The following AKAP8L variants were observed in gnomAD, a reference collection of about 807,000 sequenced individuals.
AKAP8L encodes the protein A-kinase anchor protein 8-like.
A neutral mutation model predicts 77.5 loss-of-function variants in AKAP8L; 34 were observed. The observed-to-expected ratio is 0.44, with a 90% confidence interval of 0.33 to 0.58. The LOEUF (loss-of-function observed/expected upper bound fraction) is 0.58, where lower values mean the gene tolerates loss of function less well. Ranked by LOEUF, AKAP8L falls within the 20% of genes least tolerant of loss-of-function variation. The pLI is 0.02. For synonymous variants in AKAP8L, 342 were observed against 340.7 expected (o/e 1.00, Z -0.04); for missense variants, 806 against 887.6 (o/e 0.91, Z 1.17).
At chr19:15,386,152 C>T (rs866881164) in intron 12 of AKAP8L, among the ~76,000 whole-genome samples, 5 of 152,048 alleles carry the variant, frequency 3.3e-5, no homozygotes, top group African/African-American at 7.2e-5. Flanking sequence ...CCTCGTGATC[C>T]GCCTGCCTCG....
rs1433021810 is a variant in AKAP8L, at chr19:15,380,258, G to A, written c.1805C>T (p.Pro602Leu). 2.7e-6 allele frequency: 4 copies of A among 1,497,866 alleles called. No homozygotes were observed. The East Asian group carries it at 8.0e-5, about 30-fold the overall frequency. 92.8% of individuals were successfully genotyped at this position (1,497,866 alleles called of 1,614,324 possible). A position where few individuals can be genotyped will look rare whatever the true frequency, so the allele number is the denominator to read the frequency against. Residue 602 changes from proline (P) to leucine (L), a missense_variant, in exon 14 of 14, where the codon CCG becomes CTG. By Grantham distance (98) the Pro-to-Leu change is moderately conservative. Transcript: ENST00000397410. ...PPEPAPGAVSPPPPPPPEEEE... is the reference protein window; with the variant it reads ...PPEPAPGAVSLPPPPPPEEEE... ...CTCCTCTGGGGGCGGCGGCGGTGGC[G>A]GCGACACGGCCCCGGGGGCTGGCTC... is the stretch of plus-strand genomic sequence containing the variant.
chr19:15,406,516 G>A (rs1303236214), intron 2 of AKAP8L, among the ~76,000 whole-genome samples: 1 of 151,888 alleles, frequency 6.6e-6, no homozygotes, highest in Non-Finnish European at 1.5e-5. Context: ...CTCCAGGCTG[G>A]AGTGTAATGG....
At chr19:15,406,406 C>T (rs1271308111) in intron 2 of AKAP8L, among the ~76,000 whole-genome samples, 1 of 55,148 alleles carries the variant, frequency 1.8e-5, no homozygotes, top group African/African-American at 9.1e-5. Context: ...AGAGAGAGAT[C>T]CTTAAAATTT....
Position 15,400,933 on chromosome 19 carries a change from C to T in AKAP8L, c.913+14G>A. 1 of 1,613,884 alleles carries T rather than the reference C, an allele frequency of 6.2e-7. No homozygotes were observed. The highest frequency in any genetic ancestry group is 2.2e-5 in the East Asian group (1 of 44,874). On this transcript the variant is annotated intron_variant, in intron 6 of 13. Coordinates refer to ENST00000397410, the MANE Select transcript of AKAP8L (RefSeq NM_014371.4). ...GGCAGGGGGCAGCCGCCCAGTACCA[C>T]CTAGTGGGCTCACCATTGTCTGAGT...
At chr19:15,415,120 G>A (rs574430971) in intron 1 of AKAP8L, among the ~76,000 whole-genome samples, 2 of 152,076 alleles carry the variant, frequency 1.3e-5, no homozygotes, top group South Asian at 2.1e-4. Flanking sequence ...CCAATCTCTC[G>A]TCAACTTTTT....
chr19:15,383,087 T>C (rs1474699667), intron 12 of AKAP8L: 1 of 152,358 alleles, frequency 6.6e-6, no homozygotes, highest in Non-Finnish European at 1.5e-5. Context: ...GGTGGCTAAA[T>C]GTGAACTGAC....
chr19:15,410,425 A>C, intron 2 of AKAP8L, 95 bp downstream of exon 2: 1 of 1,089,754 alleles, frequency 9.2e-7, no homozygotes, highest in South Asian at 1.4e-5. Context: ...AGGTTTAAAA[A>C]AGCATGACAG....
At position 15,399,742 on chromosome 19, in the gene AKAP8L, G is replaced by T. The variant is rs943752233; in HGVS notation, c.1049-332C>A. ...ACATGTTCAGAGGGGCCAGGTGGTG[G>T]GATGCAGGGAGGCTGCTCACATGGC... On this transcript the variant is annotated intron_variant, in intron 8 of 13. Transcript: ENST00000397410. This position sits in a 1 kb window ranked among gnomAD's most constrained non-coding sequence, Gnocchi z 6.1. 5.1e-4 allele frequency: 189 copies of T among 369,156 alleles called. No individual in the cohort carries two copies. Among genetic ancestry groups the T allele is most frequent in the East Asian group, 7.9e-4 (13 of 16,482 alleles). The allele number at this position is 369,156 out of a possible 1,614,324, so 22.9% of individuals were successfully genotyped here.
At chr19:15,415,183 C>T (rs1968181579) in intron 1 of AKAP8L, among the ~76,000 whole-genome samples, 1 of 152,080 alleles carries the variant, frequency 6.6e-6, no homozygotes, top group Admixed American at 6.6e-5. Flanking sequence ...TCTGTAATAC[C>T]AGTACTTTGG....
intron 7 of AKAP8L, 148 bp downstream of exon 7, chr19:15,400,646 C>T (rs1967873466): frequency 2.9e-6 from 3 of 1,038,054 alleles, no homozygotes; most frequent in Non-Finnish European, 2.9e-6. Context: ...GCAGCCTGTG[C>T]TTTCTGCCAG....
In AKAP8L at chr19:15,403,954, AAC is replaced by A; in HGVS notation, c.121+54_121+55del. 1.2e-6 allele frequency: 2 copies of A among 1,602,302 alleles called. No homozygotes were observed. The highest frequency in any genetic ancestry group is 1.7e-6 in the Non-Finnish European group (2 of 1,170,934). ...TGGCCAAGCAGGGCAGTGGCAGAGA[AAC>A]ACAGCCAGGACAACCCCAAGGGACA... On this transcript the variant is annotated intron_variant, in intron 3 of 13. Coordinates refer to ENST00000397410, the MANE Select transcript of AKAP8L (RefSeq NM_014371.4). This position sits in a 1 kb window ranked among gnomAD's most constrained non-coding sequence, Gnocchi z 4.3.
At chr19:15,410,422 A>G (rs1434207980) in intron 2 of AKAP8L, 98 bp downstream of exon 2, 1 of 1,073,696 alleles carries the variant, frequency 9.3e-7, no homozygotes, top group Admixed American at 2.3e-5. Context: ...TTTAGGTTTA[A>G]AAAAGCATGA....
chr19:15,381,328 C>T (rs1967411100), intron 12 of AKAP8L: 1 of 152,320 alleles, frequency 6.6e-6, no homozygotes, highest in African/African-American at 2.4e-5. Flanking sequence ...TTCAAAAGAA[C>T]ATCATGCAGC....
intron 1 of AKAP8L, among the ~76,000 whole-genome samples, chr19:15,416,961 G>A (rs1968218562): frequency 6.6e-6 from 1 of 152,138 alleles, no homozygotes; most frequent in Non-Finnish European, 1.5e-5. Context: ...TTTGACTTTA[G>A]TGCCCTACTT....
rs192216620 is a variant in AKAP8L, at chr19:15,399,784, C to T, written c.1049-374G>A. 4 of 332,944 alleles carry T rather than the reference C, an allele frequency of 1.2e-5. No individual in the cohort carries two copies. The highest frequency in any genetic ancestry group is 1.4e-4 in the East Asian group (2 of 14,144). 20.6% of individuals were successfully genotyped at this position (332,944 alleles called of 1,614,324 possible). A position where few individuals can be genotyped will look rare whatever the true frequency, so the allele number is the denominator to read the frequency against. On this transcript the variant is annotated intron_variant, in intron 8 of 13. Coordinates refer to ENST00000397410, the MANE Select transcript of AKAP8L (RefSeq NM_014371.4). The surrounding 1 kb of genome is among the most constrained non-coding windows in gnomAD (Gnocchi z 6.1). ...TCACATGGCCCTGCCCACCCCCAAC[C>T]GGGCACCGCGGCAACAGTGGGCTGA...
intron 12 of AKAP8L, among the ~76,000 whole-genome samples, chr19:15,388,526 AATG>A (rs1967587850): frequency 6.6e-6 from 1 of 152,194 alleles, no homozygotes; most frequent in African/African-American, 2.4e-5. Context: ...CAGAGATAGA[AATG>A]ATAATAATAA....
intron 12 of AKAP8L, among the ~76,000 whole-genome samples, chr19:15,392,758 T>TG (rs1240452737): frequency 1.3e-5 from 2 of 150,654 alleles, no homozygotes; most frequent in Non-Finnish European, 3.0e-5. Flanking sequence ...TAGCTGGGCG[T>TG]GGTGGTGCGT....
In AKAP8L at chr19:15,397,987, G is replaced by C; in HGVS notation, c.1158-132C>G. On this transcript the variant is annotated intron_variant, in intron 9 of 13. Coordinates refer to ENST00000397410, the MANE Select transcript of AKAP8L (RefSeq NM_014371.4). This position sits in a 1 kb window ranked among gnomAD's most constrained non-coding sequence, Gnocchi z 4.7. The stretch of plus-strand genomic sequence containing the variant: ...GCCTCTGAAGTACGGTCCCAGCAGA[G>C]GGACAGGCTGGGACCAGTGGGGTCG... 9.0e-7 allele frequency: 1 copy of C among 1,107,116 alleles called. No individual in the cohort carries two copies. Among genetic ancestry groups the C allele is most frequent in the Non-Finnish European group, 1.3e-6 (1 of 785,088 alleles). 68.6% of individuals were successfully genotyped at this position (1,107,116 alleles called of 1,614,324 possible). A position where few individuals can be genotyped will look rare whatever the true frequency, so the allele number is the denominator to read the frequency against.
At chr19:15,386,446 T>C (rs913897069) in intron 12 of AKAP8L, among the ~76,000 whole-genome samples, 6 of 152,092 alleles carry the variant, frequency 3.9e-5, no homozygotes, top group Non-Finnish European at 5.9e-5. Flanking sequence ...CATACAGCCC[T>C]ATGAGAAAGA....
Sources: gnomAD v4.1 joint callset for allele counts (sites outside exome capture counted in the v4.1 genomes callset) on GRCh38, gnomAD v4.1.1 for gene constraint, Gnocchi (gnomAD v3.1) non-coding constraint, MANE v1.5 for transcripts, NCBI Gene and HGNC (gene_info 2026-07-23, HGNC 2026-07-21) for gene names.